SLC9A9: variants seen among roughly 807,000 people sequenced by gnomAD.
The protein encoded by SLC9A9 is sodium/hydrogen exchanger 9.
SLC9A9 carries 62 observed loss-of-function variants against 77.8 expected under a neutral mutation model. The observed-to-expected ratio is 0.80, with a 90% CI of 0.65 to 0.98. SLC9A9 has a LOEUF of 0.98. SLC9A9 is among the 50% of genes least tolerant of loss of function. The pLI, the probability that SLC9A9 is intolerant of heterozygous loss-of-function variation, is 0.00. For missense variants in SLC9A9, 775 were observed against 774.9 expected (o/e 1.00, Z 0.00); for synonymous variants, 320 against 283.5 (o/e 1.13, Z -1.29).
chr3:143,583,540 G>T (rs1271356547), intron 6 of SLC9A9, among the ~76,000 whole-genome samples: 2 of 152,112 alleles, frequency 1.3e-5, no homozygotes, highest in African/African-American at 4.8e-5. Flanking sequence ...TGAGTTCTGG[G>T]TGTAAGTCTC....
At chr3:143,758,618 C>G (rs1181711749) in intron 4 of SLC9A9, among the ~76,000 whole-genome samples, 1 of 151,922 alleles carries the variant, frequency 6.6e-6, no homozygotes, top group African/African-American at 2.4e-5. Flanking sequence ...GAGTGTCAGA[C>G]AATTTCAAAA....
chr3:143,472,561 A>G (rs765429332), intron 11 of SLC9A9, among the ~76,000 whole-genome samples: 3 of 152,222 alleles, frequency 2.0e-5, no homozygotes, highest in Non-Finnish European at 4.4e-5. Context: ...CTTCTCTGAC[A>G]TCTGGGTCTG....
intron 12 of SLC9A9, among the ~76,000 whole-genome samples, chr3:143,457,061 G>A (rs972367513): frequency 1.3e-5 from 2 of 151,744 alleles, no homozygotes; most frequent in African/African-American, 4.8e-5. Flanking sequence ...TTGCTCTGTT[G>A]CCAAGGCTGG....
At chr3:143,413,508 T>C (rs58717770) in intron 12 of SLC9A9, among the ~76,000 whole-genome samples, 7,472 of 152,190 alleles carry the variant, frequency 0.049, 403 homozygotes, top group African/African-American at 0.13. Flanking sequence ...GGAGCCACTG[T>C]ACAAGAGTGG....
chr3:143,550,396 C>T (rs1372608290), intron 9 of SLC9A9, among the ~76,000 whole-genome samples: 1 of 152,150 alleles, frequency 6.6e-6, no homozygotes, highest in African/African-American at 2.4e-5. Context: ...CATTCTTTGC[C>T]ATATAACTTT....
intron 6 of SLC9A9, among the ~76,000 whole-genome samples, chr3:143,583,035 C>T (rs984909988): frequency 6.6e-6 from 1 of 152,050 alleles, no homozygotes; most frequent in Non-Finnish European, 1.5e-5. Context: ...TGCCTGTAGT[C>T]CCGGCTACTC....
intron 9 of SLC9A9, among the ~76,000 whole-genome samples, chr3:143,544,295 C>T (rs548295735): frequency 1.3e-5 from 2 of 152,068 alleles, no homozygotes; most frequent in Non-Finnish European, 2.9e-5. Flanking sequence ...GGTGCGATCT[C>T]GGTTCACTGC....
chr3:143,748,906 T>C (rs960679000), intron 4 of SLC9A9, among the ~76,000 whole-genome samples: 1 of 151,638 alleles, frequency 6.6e-6, no homozygotes, highest in Non-Finnish European at 1.5e-5. Context: ...GGTTTCACCT[T>C]GTTAGCCAGG....
chr3:143,790,845 T>C (rs1229757924), intron 4 of SLC9A9, among the ~76,000 whole-genome samples: 2 of 152,216 alleles, frequency 1.3e-5, no homozygotes, highest in East Asian at 3.9e-4. Flanking sequence ...GTCCCTTTCT[T>C]TAAATATTTT....
chr3:143,690,318 T>C (rs1425922839), intron 5 of SLC9A9, among the ~76,000 whole-genome samples: 1 of 152,122 alleles, frequency 6.6e-6, no homozygotes, highest in Non-Finnish European at 1.5e-5. Flanking sequence ...AAATTTTAAC[T>C]GAAAATATTA....
chr3:143,633,120 T>C (rs76675786), intron 6 of SLC9A9, among the ~76,000 whole-genome samples: 2,745 of 152,320 alleles, frequency 0.018, 91 homozygotes, highest in African/African-American at 0.062. Flanking sequence ...CATTCATTAA[T>C]AGATAGAGAC....
chr3:143,751,942 G>A (rs2006734346), intron 4 of SLC9A9, among the ~76,000 whole-genome samples: 1 of 152,206 alleles, frequency 6.6e-6, no homozygotes. Flanking sequence ...CAGTGAGGCT[G>A]ACTGTAAGAA....
At chr3:143,598,778 C>CCTG in intron 6 of SLC9A9, among the ~76,000 whole-genome samples, 1 of 152,210 alleles carries the variant, frequency 6.6e-6, no homozygotes, top group East Asian at 1.9e-4. Flanking sequence ...AAGCGTGCTG[C>CCTG]CTGCTGCTGC....
At chr3:143,581,832 C>T (rs1009004820) in intron 6 of SLC9A9, among the ~76,000 whole-genome samples, 1 of 152,154 alleles carries the variant, frequency 6.6e-6, no homozygotes, top group Non-Finnish European at 1.5e-5. Context: ...TTGACTAGGG[C>T]AACAGCACCG....
chr3:143,403,502 T>TA (rs904104337), intron 12 of SLC9A9, among the ~76,000 whole-genome samples: 18 of 152,026 alleles, frequency 1.2e-4, no homozygotes, highest in Non-Finnish European at 1.9e-4. Flanking sequence ...TTCCTTTCAT[T>TA]AAAAAAAACT....
At chr3:143,791,038 G>T (rs2008202037) in intron 4 of SLC9A9, among the ~76,000 whole-genome samples, 1 of 152,164 alleles carries the variant, frequency 6.6e-6, no homozygotes, top group African/African-American at 2.4e-5. Context: ...ATAGGGTGGA[G>T]ACATAGAGTC....
At chr3:143,764,499 C>T (rs1019716931) in intron 4 of SLC9A9, among the ~76,000 whole-genome samples, 3 of 152,194 alleles carry the variant, frequency 2.0e-5, no homozygotes, top group African/African-American at 4.8e-5. Flanking sequence ...CTCATGTGGC[C>T]ACCCCAGTGA....
chr3:143,639,490 A>AG (rs2038585007), intron 6 of SLC9A9, among the ~76,000 whole-genome samples: 1 of 152,234 alleles, frequency 6.6e-6, no homozygotes, highest in African/African-American at 2.4e-5. Flanking sequence ...CTGATGCATC[A>AG]TGACAAAAGT....
chr3:143,445,671 A>T (rs2034828611), intron 12 of SLC9A9, among the ~76,000 whole-genome samples: 1 of 152,250 alleles, frequency 6.6e-6, no homozygotes, highest in Middle Eastern at 3.4e-3. Flanking sequence ...TGAACAAAAC[A>T]CTGATCTTTA....
Sources: allele counts gnomAD v4.1 joint callset (sites outside exome capture counted in the v4.1 genomes callset), GRCh38; gene constraint gnomAD v4.1.1; transcripts MANE v1.5; gene names NCBI Gene and HGNC (gene_info 2026-07-23, HGNC 2026-07-21).